The following COL9A1 variants were observed in gnomAD, a reference collection of about 807,000 sequenced individuals.
COL9A1 encodes collagen alpha-1(IX) chain.
In COL9A1, 104 loss-of-function variants were observed where a neutral mutation model predicts 142.6. That is an observed-to-expected ratio of 0.73 (90% CI 0.62 to 0.86). The LOEUF (loss-of-function observed/expected upper bound fraction) is 0.86, where lower values mean the gene tolerates loss of function less well. Ranked by LOEUF, COL9A1 falls within the 40% of genes least tolerant of loss-of-function variation. The pLI is 0.00. For missense variants in COL9A1, 1,210 were observed against 1,176.6 expected, an observed-to-expected ratio of 1.03 and a Z score of -0.42; for synonymous variants, 466 against 396.0, an observed-to-expected ratio of 1.18 and a Z score of -2.10.
At chr6:70,260,437 A>G (rs1473650196) in intron 20 of COL9A1, among the ~76,000 whole-genome samples, 2 of 151,226 alleles carry the variant, frequency 1.3e-5, no homozygotes, top group African/African-American at 4.9e-5. Flanking sequence ...CAGCTGCTCT[A>G]CTCGTGATGC....
chr6:70,235,709 T>C (rs1769861660), intron 33 of COL9A1, among the ~76,000 whole-genome samples: 1 of 135,888 alleles, frequency 7.4e-6, no homozygotes, highest in Non-Finnish European at 1.7e-5. Flanking sequence ...ACATAAGTTA[T>C]TTAGCCCTTA....
chr6:70,260,768 T>C (rs756799787), intron 19 of COL9A1, 58 bp from the exon 20 acceptor site: 33 of 1,558,494 alleles, frequency 2.1e-5, no homozygotes, highest in African/African-American at 2.7e-5. Context: ...TTTTTAAAAA[T>C]CTCATCACAA....
intron 7 of COL9A1, among the ~76,000 whole-genome samples, chr6:70,282,465 C>T (rs1013510101): frequency 2.0e-5 from 3 of 151,136 alleles, no homozygotes; most frequent in African/African-American, 4.9e-5. Flanking sequence ...GCTAGCTGGA[C>T]TCGGGGTTAG....
chr6:70,279,910 G>A (rs552340409), intron 10 of COL9A1: 3 of 544,520 alleles, frequency 5.5e-6, no homozygotes, highest in Non-Finnish European at 1.0e-5. Flanking sequence ...AACACATAAA[G>A]TGGTAACTTG....
chr6:70,274,012 G>A, intron 12 of COL9A1, 35 bp downstream of exon 12: 1 of 1,418,626 alleles, frequency 7.0e-7, no homozygotes, highest in Non-Finnish European at 9.4e-7. Context: ...CTAAAGATAG[G>A]AAATTTTCAA....
intron 9 of COL9A1, 21 bp from the exon 10 acceptor site, chr6:70,280,895 GC>G: frequency 1.9e-6 from 3 of 1,613,134 alleles, no homozygotes; most frequent in Non-Finnish European, 2.5e-6. Flanking sequence ...GCAGAAGGGT[GC>G]GGGGGCAGGA....
At chr6:70,301,928 A>T in intron 2 of COL9A1, 73 bp downstream of exon 2, 1 of 1,232,178 alleles carries the variant, frequency 8.1e-7, no homozygotes, top group Non-Finnish European at 1.2e-6. Context: ...CTCAGTCTTC[A>T]GTCAGCCACA....
intron 12 of COL9A1, 59 bp downstream of exon 12, chr6:70,273,988 T>C: frequency 2.0e-6 from 2 of 990,078 alleles, no homozygotes; most frequent in Admixed American, 2.5e-5. Flanking sequence ...GATTTCACAA[T>C]GGCAGAATTT....
intron 2 of COL9A1, among the ~76,000 whole-genome samples, chr6:70,301,508 C>T (rs937654293): frequency 1.3e-5 from 2 of 152,048 alleles, no homozygotes; most frequent in Admixed American, 6.5e-5. Flanking sequence ...ACCTGGGAGG[C>T]GGAGGTTGCA....
Position 70,232,697 on chromosome 6 carries a change from G to C in COL9A1, c.2389C>G (p.Pro797Ala). 6.2e-7 allele frequency: 1 copy of C among 1,613,988 alleles called. No individual in the cohort carries two copies. The highest frequency in any genetic ancestry group is 8.5e-7 in the Non-Finnish European group (1 of 1,180,004). Residue 797 changes from proline (P) to alanine (A), a missense_variant, in exon 36 of 38, where the codon CCT (proline) becomes GCT (alanine). Physicochemically the swap from Pro to Ala is conservative, Grantham distance 27. Transcript: ENST00000357250. ...GATGLPGRPG[P>A]PGPPGPPGEN... ...CCAGGAGGGCCGGGGGGACCAGGAG[G>C]GCCAGGCCTTCCAGGAAGCCCAGTG...
chr6:70,234,745 G>A, intron 34 of COL9A1, 49 bp downstream of exon 34: 1 of 1,613,128 alleles, frequency 6.2e-7, no homozygotes, highest in Non-Finnish European at 8.5e-7. Context: ...CCCTGCTGCT[G>A]TGGGATGGAG....
Position 70,303,048 on chromosome 6 carries a change from G to T in COL9A1, c.-124C>A, listed in dbSNP as rs1182837405. ...ACTATGTGTTCTGGGCCCAGCCTTG[G>T]TCCCTCCTGCCCCCGGTGAGGGCTA... On this transcript the variant is annotated 5_prime_UTR_variant, in exon 1 of 38. Transcript: ENST00000357250. 6.7e-6 allele frequency: 7 copies of T among 1,043,882 alleles called. No individual in the cohort carries two copies. Among genetic ancestry groups the T allele is most frequent in the Admixed American group, 3.4e-5 (2 of 59,022 alleles). The allele number at this position is 1,043,882 out of a possible 1,614,324, so 64.7% of individuals were successfully genotyped here.
chr6:70,237,791 CAGGTAAGTTAAT>C (rs1770006995), intron 33 of COL9A1, among the ~76,000 whole-genome samples: 3 of 152,278 alleles, frequency 2.0e-5, no homozygotes, highest in Admixed American at 6.5e-5. Context: ...TGTTTAGAGG[CAGGTAAGTTAAT>C]ACGATGTAAT....
rs532017483 is a variant in COL9A1, at chr6:70,231,400, G to A, written c.2503+1183C>T. On this transcript the variant is annotated intron_variant, in intron 36 of 37. Transcript: ENST00000357250. ...AAGCTGGACAAAGATGAATAGGTAT[G>A]TGACTCTTTCAAAGAAAATGTTCAG... is the stretch of plus-strand genomic sequence containing the variant. 1.3e-4 allele frequency among the ~76,000 whole-genome samples: 20 copies of A among 152,286 alleles called. No homozygotes were observed. The South Asian group carries it at 1.7e-3, about 13-fold the overall frequency.
At chr6:70,280,327 G>A in intron 10 of COL9A1, 1 of 1,205,876 alleles carries the variant, frequency 8.3e-7, no homozygotes, top group Non-Finnish European at 1.0e-6. Context: ...CATTCCTTGG[G>A]ATTTAGGAGT....
chr6:70,254,437 T>C (rs767823863), intron 25 of COL9A1, 39 bp downstream of exon 25: 2 of 1,586,562 alleles, frequency 1.3e-6, no homozygotes, highest in Non-Finnish European at 1.7e-6. Context: ...TTAAAACATG[T>C]ATATAAACCA....
chr6:70,253,169 A>G (rs1208543578), intron 26 of COL9A1: 1 of 458,964 alleles, frequency 2.2e-6, no homozygotes, highest in Non-Finnish European at 4.0e-6. Context: ...TGACATTTTC[A>G]TTAAGGAAAT....
intron 5 of COL9A1, among the ~76,000 whole-genome samples, chr6:70,289,257 T>A (rs1005871925): frequency 6.6e-6 from 1 of 152,196 alleles, no homozygotes; most frequent in African/African-American, 2.4e-5. Context: ...TCTTAGCCCA[T>A]GTATATTTTT....
At chr6:70,235,058 T>A in intron 33 of COL9A1, 118 bp from the exon 34 acceptor site, 1 of 1,282,920 alleles carries the variant, frequency 7.8e-7, no homozygotes, top group Non-Finnish European at 1.1e-6. Flanking sequence ...TCCTAACAGG[T>A]GTTCTTTCAG....
Sources: gnomAD v4.1 joint callset for allele counts (sites outside exome capture counted in the v4.1 genomes callset) on GRCh38, gnomAD v4.1.1 for gene constraint, MANE v1.5 for transcripts, NCBI Gene and HGNC (gene_info 2026-07-23, HGNC 2026-07-21) for gene names.